The following ARFGEF2 variants were observed in gnomAD, a reference collection of about 807,000 sequenced individuals.
The protein encoded by ARFGEF2 is brefeldin A-inhibited guanine nucleotide-exchange protein 2.
ARFGEF2 carries 74 observed loss-of-function variants against 219.9 expected under a neutral mutation model. The ratio of observed to expected loss-of-function variants is 0.34; its 90% confidence interval spans 0.28 to 0.41. The LOEUF is 0.41. Ranked by LOEUF, ARFGEF2 falls within the 10% of genes least tolerant of loss-of-function variation. The pLI is 1.00. For missense variants in ARFGEF2, 1,743 were observed against 2,218.3 expected (o/e 0.79, Z 4.30); for synonymous variants, 733 against 799.2 (o/e 0.92, Z 1.40).
chr20:49,001,625 G>T (rs554369147), intron 25 of ARFGEF2, among the ~76,000 whole-genome samples: 1 of 152,086 alleles, frequency 6.6e-6, no homozygotes, highest in South Asian at 2.1e-4. Flanking sequence ...TATTCTTTTT[G>T]TTAGTCTCTA....
chr20:49,032,270 T>C, intron 38 of ARFGEF2, 104 bp downstream of exon 38: 1 of 834,248 alleles, frequency 1.2e-6, no homozygotes, highest in Non-Finnish European at 2.1e-6. Context: ...CTCCCAAGGA[T>C]GGTTACGTGA....
rs530560928 is a variant in ARFGEF2, at chr20:49,019,438, C to CTT, written c.4624+441_4624+442insTT. 8.7e-4 allele frequency among the ~76,000 whole-genome samples: 132 copies of CTT among 152,278 alleles called. 1 individual carries two copies. The highest frequency in any genetic ancestry group is 1.6e-3 in the Non-Finnish European group (111 of 68,000). The stretch of plus-strand genomic sequence containing the variant: ...CTTTCACGTTGTTTTATACGATTGT[C>CTT]TATTATTCCAGTTTGTAGACATGCA... On this transcript the variant is annotated intron_variant, in intron 34 of 38. Transcript: ENST00000371917.
intron 27 of ARFGEF2, among the ~76,000 whole-genome samples, chr20:49,010,862 C>G (rs2091493354): frequency 6.6e-6 from 1 of 152,228 alleles, no homozygotes. Context: ...AGAGCAAAAA[C>G]TTGAGTCACC....
intron 22 of ARFGEF2, among the ~76,000 whole-genome samples, chr20:48,995,253 G>C (rs1449409634): frequency 6.6e-6 from 1 of 152,220 alleles, no homozygotes; most frequent in African/African-American, 2.4e-5. Context: ...GCAGAGGTAG[G>C]ATTCAAGCCC....
intron 26 of ARFGEF2, among the ~76,000 whole-genome samples, chr20:49,006,294 C>CA (rs1157928645): frequency 1.3e-5 from 2 of 151,446 alleles, no homozygotes; most frequent in Non-Finnish European, 2.9e-5. Flanking sequence ...AATGCTGTCT[C>CA]AAAAAAAATA....
At chr20:49,016,439 C>A in intron 31 of ARFGEF2, 24 bp downstream of exon 31, 1 of 1,608,086 alleles carries the variant, frequency 6.2e-7, no homozygotes, top group South Asian at 1.1e-5. Context: ...CTCTAGGCAT[C>A]ATTTTTCTTA....
rs56730863 is a variant in ARFGEF2 at position 49,005,737 on chromosome 20, CAAAAA to C, written c.3584+533_3584+537del. ...TGGGTGAAAGAGCAAGACTCCGTCTCAAAAAAAAAAAAAAAAAAAAAGAAAAGAAA... is the reference window on the plus strand; with the variant it reads ...TGGGTGAAAGAGCAAGACTCCGTCTCAAAAAAAAAAAAAAAAGAAAAGAAA... On this transcript the variant is annotated intron_variant, in intron 26 of 38. Transcript: ENST00000371917. Among the ~76,000 whole-genome samples the C allele has an allele frequency of 9.6e-5, 6 of 62,208 alleles. No homozygotes were observed. In the East Asian group the frequency reaches 2.2e-3, roughly 23 times the overall value. 40.8% of individuals were successfully genotyped at this position (62,208 alleles called of 152,430 possible). A position where few individuals can be genotyped will look rare whatever the true frequency, so the allele number is the denominator to read the frequency against.
At chr20:48,970,869 A>G (rs939141787) in intron 9 of ARFGEF2, among the ~76,000 whole-genome samples, 5 of 152,160 alleles carry the variant, frequency 3.3e-5, no homozygotes. Flanking sequence ...ATCAGTTGAC[A>G]CTTTGCTCCT....
At chr20:49,016,912 G>A (rs2091534369) in intron 31 of ARFGEF2, among the ~76,000 whole-genome samples, 1 of 152,064 alleles carries the variant, frequency 6.6e-6, no homozygotes, top group Admixed American at 6.6e-5. Context: ...TGTTCAGGTG[G>A]CAAAAATTGG....
At chr20:48,924,791 T>A (rs981783749) in intron 1 of ARFGEF2, among the ~76,000 whole-genome samples, 10 of 152,158 alleles carry the variant, frequency 6.6e-5, no homozygotes, top group Non-Finnish European at 4.4e-5. Flanking sequence ...GACCCTAGAC[T>A]TCTGTGTTCA....
At chr20:48,996,370 G>A (rs2091387140) in intron 23 of ARFGEF2, among the ~76,000 whole-genome samples, 1 of 151,170 alleles carries the variant, frequency 6.6e-6, no homozygotes, top group Admixed American at 6.6e-5. Context: ...CAGGAGAATG[G>A]CGTGAACCCA....
Position 48,985,559 on chromosome 20 carries a change from AGATTGACC to A in ARFGEF2, c.2227_2234del (p.Asp743AsnfsTer20). On this transcript the variant is annotated frameshift_variant, in exon 16 of 39. Coordinates refer to ENST00000371917, the MANE Select transcript of ARFGEF2 (RefSeq NM_006420.3). LOFTEE classifies it high-confidence loss of function. ...TTCCGCCTACCTGGAGAAGCCCAAA[AGATTGACC>A]GATTAATGGAGAAGTTTGCCGCAAG... The A allele has an allele frequency of 6.2e-7, 1 of 1,614,214 alleles. No individual in the cohort carries two copies. The highest frequency in any genetic ancestry group is 2.2e-5 in the East Asian group (1 of 44,892).
chr20:48,994,739 G>A (rs576811993), intron 22 of ARFGEF2, 141 bp downstream of exon 22: 222 of 1,265,310 alleles, frequency 1.8e-4, no homozygotes, highest in Admixed American at 9.9e-4. Context: ...GCAAGTGGAC[G>A]TGCTGCTTTG....
At chr20:49,022,939 A>G (rs1341692427) in intron 34 of ARFGEF2, 112 bp from the exon 35 acceptor site, 1 of 1,416,420 alleles carries the variant, frequency 7.1e-7, no homozygotes, top group Non-Finnish European at 9.8e-7. Context: ...ACGTAGTGAG[A>G]CCCCATCTCT....
At chr20:48,984,917 A>G (rs1461816937) in intron 15 of ARFGEF2, 77 bp downstream of exon 15, 1 of 1,607,944 alleles carries the variant, frequency 6.2e-7, no homozygotes, top group African/African-American at 1.3e-5. Flanking sequence ...TAACCTCGAG[A>G]TTGTCTGGCC....
intron 35 of ARFGEF2, among the ~76,000 whole-genome samples, chr20:49,024,262 C>T (rs1287859047): frequency 2.0e-5 from 3 of 152,204 alleles, no homozygotes; most frequent in Non-Finnish European, 4.4e-5. Context: ...CGTGCACCAC[C>T]ATGCCTGGCC....
At position 48,990,671 on chromosome 20, in the gene ARFGEF2, C is replaced by G. The variant is rs145520179; in HGVS notation, c.2815-369C>G. Reference sequence around the variant, plus strand: ...GCTCAGCTAAAGTCTCTCTGAGACACCAATTCATTTCCTCATTTGTAAACT... The same window carrying G: ...GCTCAGCTAAAGTCTCTCTGAGACAGCAATTCATTTCCTCATTTGTAAACT... On this transcript the variant is annotated intron_variant, in intron 20 of 38. Transcript: ENST00000371917. 1.9e-3 allele frequency among the ~76,000 whole-genome samples: 286 copies of G among 152,322 alleles called. 1 individual carries two copies. Among genetic ancestry groups the G allele is most frequent in the African/African-American group, 6.6e-3 (273 of 41,554 alleles).
At chr20:49,010,479 C>T in intron 27 of ARFGEF2, 75 bp downstream of exon 27, 2 of 1,564,764 alleles carry the variant, frequency 1.3e-6, no homozygotes, top group Non-Finnish European at 1.7e-6. Flanking sequence ...GTCTATTTTA[C>T]TACCTACAGG....
chr20:48,947,329 G>A (rs897326281), intron 3 of ARFGEF2, among the ~76,000 whole-genome samples: 18 of 152,158 alleles, frequency 1.2e-4, no homozygotes, highest in African/African-American at 4.1e-4. Context: ...GAACCCAGGA[G>A]ATGGAGGTTG....
Sources: allele counts gnomAD v4.1 joint callset (sites outside exome capture counted in the v4.1 genomes callset), GRCh38; gene constraint gnomAD v4.1.1; transcripts MANE v1.5; gene names NCBI Gene and HGNC (gene_info 2026-07-23, HGNC 2026-07-21).